The following ZDHHC21 variants were observed in gnomAD, a reference collection of about 807,000 sequenced individuals.
The protein encoded by ZDHHC21 is palmitoyltransferase ZDHHC21.
ZDHHC21 carries 15 observed loss-of-function variants against 34.6 expected under a neutral mutation model. The ratio of observed to expected loss-of-function variants is 0.43; its 90% CI spans 0.29 to 0.67. The LOEUF (loss-of-function observed/expected upper bound fraction) is 0.67. ZDHHC21 is among the 30% of genes least tolerant of loss of function. The pLI, the probability that ZDHHC21 is intolerant of heterozygous loss-of-function variation, is 0.14. For missense variants in ZDHHC21, 344 were observed against 327.7 expected (o/e 1.05, Z -0.38); for synonymous variants, 142 against 101.8 (o/e 1.40, Z -2.38).
At chr9:14,657,427 T>G (rs562008312) in intron 7 of ZDHHC21, among the ~76,000 whole-genome samples, 1 of 152,234 alleles carries the variant, frequency 6.6e-6, no homozygotes, top group East Asian at 1.9e-4. Flanking sequence ...AACTTATGCA[T>G]GTAATAAGAA....
intron 7 of ZDHHC21, among the ~76,000 whole-genome samples, chr9:14,649,546 C>T (rs1830854326): frequency 6.6e-6 from 1 of 151,936 alleles, no homozygotes; most frequent in South Asian, 2.1e-4. Context: ...TACATAAAAC[C>T]CCTCCACTTC....
chr9:14,608,219 T>G (rs1823080936), downstream of ZDHHC21, among the ~76,000 whole-genome samples: 2 of 152,296 alleles, frequency 1.3e-5, no homozygotes, highest in African/African-American at 4.8e-5. Context: ...CAGCTAGGAT[T>G]ACGCATCTAT....
chr9:14,679,636 A>G (rs1445377291), intron 3 of ZDHHC21, among the ~76,000 whole-genome samples: 1 of 152,184 alleles, frequency 6.6e-6, no homozygotes, highest in East Asian at 1.9e-4. Context: ...TTTTCAATTA[A>G]CTTAAAAATA....
intron 8 of ZDHHC21, among the ~76,000 whole-genome samples, chr9:14,638,669 C>T (rs571807491): frequency 1.1e-4 from 17 of 148,934 alleles, no homozygotes; most frequent in Admixed American, 8.7e-4. Flanking sequence ...AGGAACTCAA[C>T]AATTAAAAAA....
At chr9:14,595,715 A>G in the ZDHHC21 span, among the ~76,000 whole-genome samples, 1 of 152,208 alleles carries the variant, frequency 6.6e-6, no homozygotes, top group African/African-American at 2.4e-5. Context: ...AGACAACCCA[A>G]TTAAAAATGG....
intron 7 of ZDHHC21, among the ~76,000 whole-genome samples, chr9:14,653,076 T>G (rs945654469): frequency 1.3e-5 from 2 of 151,962 alleles, no homozygotes; most frequent in African/African-American, 2.4e-5. Flanking sequence ...AAAAAATATG[T>G]ATAATAATCA....
chr9:14,618,954 C>G lies in ZDHHC21; in HGVS notation c.*12G>C, dbSNP rs778896153. ...AGCATGGAGGACCCATCTGTGCCCA[C>G]CATCCATCTGTTTAGACATGATTGG... is the stretch of plus-strand genomic sequence containing the variant. On this transcript the variant is annotated 3_prime_UTR_variant, in exon 10 of 10. Transcript: ENST00000380916. 3.8e-6 allele frequency: 6 copies of G among 1,587,358 alleles called. No individual in the cohort carries two copies. In the Admixed American group the frequency reaches 8.8e-5, roughly 23 times the overall value.
intron 3 of ZDHHC21, among the ~76,000 whole-genome samples, chr9:14,679,795 T>G (rs1414896845): frequency 6.6e-6 from 1 of 152,130 alleles, no homozygotes. Context: ...CATATAAGAC[T>G]TACGATTCAG....
the ZDHHC21 span, among the ~76,000 whole-genome samples, chr9:14,602,091 A>G: frequency 8.5e-5 from 13 of 152,090 alleles, no homozygotes; most frequent in African/African-American, 3.1e-4. Context: ...GCAAGTGTAT[A>G]TCTATGTAAC....
the ZDHHC21 span, among the ~76,000 whole-genome samples, chr9:14,593,376 A>G: frequency 2.0e-5 from 3 of 152,232 alleles, no homozygotes; most frequent in Admixed American, 6.5e-5. Context: ...CTTTATGTCA[A>G]CATATTAGAT....
chr9:14,657,586 C>G (rs1832474463), intron 7 of ZDHHC21, among the ~76,000 whole-genome samples: 1 of 152,064 alleles, frequency 6.6e-6, no homozygotes, highest in Non-Finnish European at 1.5e-5. Flanking sequence ...TTCAGTTCTG[C>G]TCTTATAAAA....
intron 8 of ZDHHC21, among the ~76,000 whole-genome samples, chr9:14,620,491 C>T (rs891137145): frequency 6.6e-6 from 1 of 151,980 alleles, no homozygotes; most frequent in Non-Finnish European, 1.5e-5. Context: ...CATTCAAATA[C>T]ACCAAAAGCT....
intron 8 of ZDHHC21, 77 bp from the exon 9 acceptor site, chr9:14,619,759 T>A: frequency 2.4e-6 from 2 of 844,766 alleles, no homozygotes; most frequent in Non-Finnish European, 3.4e-6. Context: ...TATCATGTTT[T>A]TAATCTTATT....
chr9:14,659,857 AAG>A (rs1833023826), intron 6 of ZDHHC21, among the ~76,000 whole-genome samples: 2 of 152,302 alleles, frequency 1.3e-5, no homozygotes, highest in East Asian at 3.9e-4. Flanking sequence ...GCAGGATTAT[AAG>A]AGAAGTGTGC....
At chr9:14,620,215 A>C (rs1437859855) in intron 8 of ZDHHC21, among the ~76,000 whole-genome samples, 1 of 152,000 alleles carries the variant, frequency 6.6e-6, no homozygotes, top group African/African-American at 2.4e-5. Flanking sequence ...GTTCTTTCTT[A>C]GCGGAAAAAA....
Position 14,642,406 on chromosome 9 carries a change from C to T in ZDHHC21, c.505-2394G>A, listed in dbSNP as rs188365398. Among the ~76,000 whole-genome samples, 18 of 152,066 alleles carry T rather than the reference C, an allele frequency of 1.2e-4. No homozygotes were observed. The East Asian group carries it at 2.9e-3, about 24-fold the overall frequency. On this transcript the variant is annotated intron_variant, in intron 7 of 9. Coordinates refer to ENST00000380916, the MANE Select transcript of ZDHHC21 (RefSeq NM_178566.6). ...AAAATTTTTATCCAAATCACAGGAACCCATTTGCTATCCGAGATCTTTACT... is the reference window on the plus strand; with the variant it reads ...AAAATTTTTATCCAAATCACAGGAATCCATTTGCTATCCGAGATCTTTACT...
chr9:14,684,000 A>T (rs943351052), intron 2 of ZDHHC21, among the ~76,000 whole-genome samples: 28 of 152,244 alleles, frequency 1.8e-4, no homozygotes, highest in African/African-American at 6.8e-4. Flanking sequence ...AAAATTCAAC[A>T]GCCCTTCATG....
At chr9:14,630,812 C>A (rs116915696) in intron 8 of ZDHHC21, among the ~76,000 whole-genome samples, 5 of 152,146 alleles carry the variant, frequency 3.3e-5, no homozygotes, top group African/African-American at 1.2e-4. Context: ...AGTAATATTA[C>A]GAAAGGAACT....
At chr9:14,682,804 A>C (rs1837610873) in intron 2 of ZDHHC21, among the ~76,000 whole-genome samples, 1 of 152,256 alleles carries the variant, frequency 6.6e-6, no homozygotes, top group Non-Finnish European at 1.5e-5. Context: ...ACTTCTCAGC[A>C]AATGTGAAAG....
Sources: allele counts gnomAD v4.1 joint callset (sites outside exome capture counted in the v4.1 genomes callset), GRCh38; gene constraint gnomAD v4.1.1; transcripts MANE v1.5; gene names NCBI Gene and HGNC (gene_info 2026-07-23, HGNC 2026-07-21).